Variants in LINGO2 observed in about 807,000 individuals in gnomAD.
LINGO2 encodes the protein leucine-rich repeat and immunoglobulin-like domain-containing nogo receptor-interacting protein 2.
In LINGO2, 14 loss-of-function variants were observed where a neutral mutation model predicts 30.6. That is an observed-to-expected ratio of 0.46 (90% confidence interval 0.30 to 0.72). The LOEUF (loss-of-function observed/expected upper bound fraction) is 0.72. Ranked by LOEUF, LINGO2 falls within the 30% of genes least tolerant of loss-of-function variation. LINGO2 has a pLI of 0.07. For synonymous variants in LINGO2, 317 were observed against 288.5 expected, an observed-to-expected ratio of 1.10 and a Z score of -1.00; for missense variants, 729 against 751.7, an observed-to-expected ratio of 0.97 and a Z score of 0.35.
At chr9:28,363,556 T>C (rs1205893521) in intron 3 of LINGO2, among the ~76,000 whole-genome samples, 2 of 152,124 alleles carry the variant, frequency 1.3e-5, no homozygotes, top group East Asian at 1.9e-4. Flanking sequence ...GGCAGCATCA[T>C]CAGCAAAAAG....
intron 1 of LINGO2, among the ~76,000 whole-genome samples, chr9:28,563,294 T>A (rs1280786191): frequency 6.6e-6 from 1 of 152,116 alleles, no homozygotes; most frequent in Admixed American, 6.5e-5. Flanking sequence ...TACTATCTCC[T>A]CTCTGGGAAT....
the LINGO2 span, chr9:27,940,722 A>G: frequency 1.3e-5 from 2 of 151,980 alleles, no homozygotes; most frequent in African/African-American, 4.9e-5. Context: ...GAAACCAAAC[A>G]GAAACAGAAA....
chr9:28,660,610 G>C (rs1828548803), intron 1 of LINGO2, among the ~76,000 whole-genome samples: 2 of 149,456 alleles, frequency 1.3e-5, no homozygotes, highest in African/African-American at 4.8e-5. Flanking sequence ...AAATTCAAAA[G>C]AAAAGTTATC....
intron 3 of LINGO2, among the ~76,000 whole-genome samples, chr9:28,346,438 T>C (rs930622714): frequency 3.3e-5 from 5 of 152,208 alleles, no homozygotes; most frequent in African/African-American, 7.2e-5. Flanking sequence ...CAGTCTATTA[T>C]TGATGGGCAT....
chr9:28,802,580 T>C, the LINGO2 span, among the ~76,000 whole-genome samples: 6 of 152,122 alleles, frequency 3.9e-5, no homozygotes, highest in African/African-American at 1.4e-4. Context: ...GTAAGTCTAA[T>C]TTTGTCTCTA....
intron 1 of LINGO2, among the ~76,000 whole-genome samples, chr9:28,588,059 T>C (rs1013433420): frequency 6.6e-6 from 1 of 152,008 alleles, no homozygotes; most frequent in African/African-American, 2.4e-5. Context: ...TGGCTCTCAG[T>C]TCTTTATCTC....
chr9:27,955,407 C>T (rs1819515120), intron 5 of LINGO2, among the ~76,000 whole-genome samples: 1 of 152,112 alleles, frequency 6.6e-6, no homozygotes, highest in Non-Finnish European at 1.5e-5. Flanking sequence ...CCTTTGTAAG[C>T]ACCATCACAA....
At chr9:28,335,265 T>C (rs372971231) in intron 3 of LINGO2, among the ~76,000 whole-genome samples, 1 of 152,148 alleles carries the variant, frequency 6.6e-6, no homozygotes, top group African/African-American at 2.4e-5. Context: ...TTACATTCCA[T>C]GCATATTTGT....
intron 1 of LINGO2, among the ~76,000 whole-genome samples, chr9:28,571,420 A>C (rs1211478550): frequency 6.6e-6 from 1 of 152,072 alleles, no homozygotes; most frequent in Non-Finnish European, 1.5e-5. Context: ...AGATTTGCTA[A>C]GATGAAAGCA....
At chr9:29,155,632 G>A in the LINGO2 span, among the ~76,000 whole-genome samples, 1 of 147,678 alleles carries the variant, frequency 6.8e-6, no homozygotes, top group African/African-American at 2.5e-5. Flanking sequence ...TCCTCTAAAA[G>A]AAACATTTAA....
chr9:27,969,201 T>C (rs1405310853), intron 5 of LINGO2, among the ~76,000 whole-genome samples: 2 of 152,044 alleles, frequency 1.3e-5, no homozygotes, highest in Non-Finnish European at 2.9e-5. Context: ...CCTGGAAATT[T>C]AACTTTGTTT....
intron 2 of LINGO2, among the ~76,000 whole-genome samples, chr9:28,436,115 A>C (rs1296436623): frequency 6.6e-6 from 1 of 152,190 alleles, no homozygotes; most frequent in Non-Finnish European, 1.5e-5. Flanking sequence ...GTTTCTCAGA[A>C]GCTTTTGACC....
chr9:29,097,961 C>T, the LINGO2 span, among the ~76,000 whole-genome samples: 3 of 149,360 alleles, frequency 2.0e-5, 1 homozygote, highest in African/African-American at 7.4e-5. Context: ...GTGTTCATGA[C>T]AATGTGCCTA....
At chr9:28,930,147 T>C in the LINGO2 span, among the ~76,000 whole-genome samples, 13 of 152,232 alleles carry the variant, frequency 8.5e-5, no homozygotes, top group East Asian at 1.9e-4. The surrounding 1 kb of genome is among the most constrained non-coding windows in gnomAD (Gnocchi z 4.2). Context: ...CAATTTGCAT[T>C]CCTGTAAGCA....
chr9:28,027,797 T>C (rs1285719576), intron 4 of LINGO2, among the ~76,000 whole-genome samples: 1 of 152,160 alleles, frequency 6.6e-6, no homozygotes, highest in Non-Finnish European at 1.5e-5. Context: ...CTTAAGGAGC[T>C]TCCCATATAT....
intron 4 of LINGO2, among the ~76,000 whole-genome samples, chr9:28,286,824 G>A (rs994074658): frequency 6.6e-6 from 1 of 152,154 alleles, no homozygotes; most frequent in Non-Finnish European, 1.5e-5. Flanking sequence ...TAGAGGGTGG[G>A]AGGAGGGAGA....
the LINGO2 span, among the ~76,000 whole-genome samples, chr9:28,991,295 C>T: frequency 3.1e-4 from 47 of 150,768 alleles, no homozygotes; most frequent in African/African-American, 8.5e-4. Context: ...TGAAATGAAG[C>T]GAGAAGGGAA....
chr9:28,543,198 C>T (rs181802951), intron 1 of LINGO2, among the ~76,000 whole-genome samples: 3 of 152,148 alleles, frequency 2.0e-5, no homozygotes, highest in South Asian at 4.2e-4. Context: ...ATTTAACAAG[C>T]CTCTGACTTT....
At position 28,547,323 on chromosome 9, in the gene LINGO2, T is replaced by C. The variant is rs1587837091; in HGVS notation, c.-364-71298A>G. Among the ~76,000 whole-genome samples, 3 of 152,250 alleles carry C rather than the reference T, an allele frequency of 2.0e-5. 1 individual carries two copies. On this transcript the variant is annotated intron_variant, in intron 1 of 5. Coordinates refer to ENST00000379992, the Ensembl canonical transcript of LINGO2. Reference sequence around the variant, plus strand: ...AGAAACCCTTATATGTAAAGAAGTCTTAGTAATGTGATTTAATGAAAACAC... The same window carrying C: ...AGAAACCCTTATATGTAAAGAAGTCCTAGTAATGTGATTTAATGAAAACAC...
Sources: allele counts gnomAD v4.1 joint callset (sites outside exome capture counted in the v4.1 genomes callset), GRCh38; gene constraint gnomAD v4.1.1; non-coding constraint Gnocchi (gnomAD v3.1); transcripts MANE v1.5; gene names NCBI Gene and HGNC (gene_info 2026-07-23, HGNC 2026-07-21).